Variants in GFRA1 observed in about 807,000 individuals in gnomAD.
GFRA1 encodes the protein GDNF family receptor alpha 1.
Under a neutral mutation model 51.6 loss-of-function variants are expected in GFRA1, and 16 were observed. That is an observed-to-expected ratio of 0.31 (90% CI 0.21 to 0.47). The LOEUF (loss-of-function observed/expected upper bound fraction) is 0.47, where lower values mean the gene tolerates loss of function less well. GFRA1 is among the 20% of genes least tolerant of loss of function. The pLI, the probability that GFRA1 is intolerant of heterozygous loss-of-function variation, is 1.00. For synonymous variants in GFRA1, 270 were observed against 241.3 expected, an observed-to-expected ratio of 1.12 and a Z score of -1.10; for missense variants, 530 against 594.3, an observed-to-expected ratio of 0.89 and a Z score of 1.13.
In GFRA1 at chr10:116,064,191, G is replaced by C; in HGVS notation, c.*207C>G. 1 of 568,754 alleles carries C rather than the reference G, an allele frequency of 1.8e-6. No individual in the cohort carries two copies. Among genetic ancestry groups the C allele is most frequent in the Non-Finnish European group, 3.1e-6 (1 of 320,362 alleles). The allele number at this position is 568,754 out of a possible 1,614,324, so 35.2% of individuals were successfully genotyped here. On this transcript the variant is annotated 3_prime_UTR_variant, in exon 11 of 11. Transcript: ENST00000355422. ...GCATATCCCAAAGCCTTCTGAGTTTGGATGGAGCACTGCATCAGGTTTTTC... is the reference window on the plus strand; with the variant it reads ...GCATATCCCAAAGCCTTCTGAGTTTCGATGGAGCACTGCATCAGGTTTTTC...
chr10:116,195,988 G>A lies in GFRA1; in HGVS notation c.433+15643C>T, dbSNP rs146207745. Among the ~76,000 whole-genome samples the A allele has an allele frequency of 5.8e-3, 887 of 152,064 alleles. 1 individual carries two copies. The highest frequency in any genetic ancestry group is 8.9e-3 in the Non-Finnish European group (604 of 67,996). On this transcript the variant is annotated intron_variant, in intron 5 of 10. Coordinates refer to ENST00000355422, the MANE Select transcript of GFRA1 (RefSeq NM_005264.8). ...CAAATATTTATTGAACACTCATAAG[G>A]TTCAATACACCTGATTCAATAACAC... is the stretch of plus-strand genomic sequence containing the variant.
intron 5 of GFRA1, among the ~76,000 whole-genome samples, chr10:116,203,406 A>G (rs1589869343): frequency 6.6e-6 from 1 of 152,164 alleles, no homozygotes; most frequent in South Asian, 2.1e-4. Context: ...GAGGCTGCAG[A>G]AAGAATCAGA....
At chr10:116,088,478 G>T (rs1188561012) in intron 9 of GFRA1, among the ~76,000 whole-genome samples, 2 of 152,138 alleles carry the variant, frequency 1.3e-5, no homozygotes, top group South Asian at 4.1e-4. Context: ...GGTTCCCAGT[G>T]CTGACTCTGT....
intron 5 of GFRA1, among the ~76,000 whole-genome samples, chr10:116,163,905 G>A (rs748015885): frequency 2.0e-5 from 3 of 152,232 alleles, no homozygotes; most frequent in Non-Finnish European, 4.4e-5. Flanking sequence ...CCACGGAGAT[G>A]TTAGACATGG....
At chr10:116,240,689 G>A (rs369615701) in intron 4 of GFRA1, among the ~76,000 whole-genome samples, 8 of 152,028 alleles carry the variant, frequency 5.3e-5, no homozygotes, top group Non-Finnish European at 8.8e-5. Context: ...CCATTCACCC[G>A]CCCCTCAACT....
chr10:116,141,179 G>T (rs1207742376), intron 5 of GFRA1, among the ~76,000 whole-genome samples: 1 of 152,194 alleles, frequency 6.6e-6, no homozygotes, highest in African/African-American at 2.4e-5. Context: ...TAAATGGCTT[G>T]TGCTGGATAA....
intron 5 of GFRA1, among the ~76,000 whole-genome samples, chr10:116,160,138 C>G (rs931610327): frequency 2.6e-5 from 4 of 152,110 alleles, no homozygotes; most frequent in African/African-American, 9.7e-5. Flanking sequence ...GATATAAAAG[C>G]CTTTTGGTTT....
chr10:116,172,198 AC>A (rs1371995343), intron 5 of GFRA1, among the ~76,000 whole-genome samples: 2 of 152,166 alleles, frequency 1.3e-5, no homozygotes, highest in African/African-American at 4.8e-5. Context: ...TATTAATAAA[AC>A]ATACAATTCC....
chr10:116,124,260 A>C (rs1589807113), intron 6 of GFRA1, among the ~76,000 whole-genome samples: 2 of 133,408 alleles, frequency 1.5e-5, no homozygotes, highest in Non-Finnish European at 3.2e-5. Context: ...ACAGATTTTC[A>C]CTCTTGTCGC....
chr10:116,156,084 C>T (rs1320194374), intron 5 of GFRA1, among the ~76,000 whole-genome samples: 3 of 152,150 alleles, frequency 2.0e-5, no homozygotes, highest in South Asian at 2.1e-4. Flanking sequence ...AAGCAGGCAA[C>T]GCAAAGCTCC....
intron 6 of GFRA1, among the ~76,000 whole-genome samples, chr10:116,111,478 G>T (rs948391898): frequency 1.3e-5 from 2 of 152,162 alleles, no homozygotes; most frequent in African/African-American, 4.8e-5. Context: ...TCCATGTGTT[G>T]TCCCTGCCCG....
intron 5 of GFRA1, among the ~76,000 whole-genome samples, chr10:116,188,078 C>T (rs1962898720): frequency 6.6e-6 from 1 of 152,128 alleles, no homozygotes; most frequent in African/African-American, 2.4e-5. Context: ...ATATATAATA[C>T]ATACTGGGAC....
intron 4 of GFRA1, among the ~76,000 whole-genome samples, chr10:116,227,351 A>C (rs1337520168): frequency 1.3e-5 from 2 of 152,182 alleles, no homozygotes; most frequent in Non-Finnish European, 2.9e-5. Context: ...TTTCAAACTT[A>C]TTCTTTGGAG....
intron 5 of GFRA1, among the ~76,000 whole-genome samples, chr10:116,129,782 T>C (rs975640725): frequency 6.6e-6 from 1 of 152,066 alleles, no homozygotes; most frequent in Non-Finnish European, 1.5e-5. Flanking sequence ...ATACATAGTG[T>C]TTGTACACAT....
At chr10:116,160,914 G>T (rs997393023) in intron 5 of GFRA1, among the ~76,000 whole-genome samples, 6 of 152,144 alleles carry the variant, frequency 3.9e-5, no homozygotes, top group Admixed American at 6.5e-5. Context: ...TGGGTTACAC[G>T]ATCTTAATTT....
At chr10:116,196,570 TATATATAATATATAGTACTATATATAATA>T (rs1565643239) in intron 5 of GFRA1, among the ~76,000 whole-genome samples, 749 of 45,068 alleles carry the variant, frequency 0.017, 40 homozygotes, top group Non-Finnish European at 0.027. Context: ...CTATATATAA[TATATATAATATATAGTACTATATATAATA>T]TATATATAGT....
At chr10:116,148,091 T>TGCATGTGTGCAG in intron 5 of GFRA1, among the ~76,000 whole-genome samples, 1 of 136,468 alleles carries the variant, frequency 7.3e-6, no homozygotes, top group Non-Finnish European at 1.6e-5. Context: ...TGTGTGTGCA[T>TGCATGTGTGCAG]GCGTGTGTGC....
intron 5 of GFRA1, among the ~76,000 whole-genome samples, chr10:116,183,857 T>G (rs565573378): frequency 6.6e-6 from 1 of 152,312 alleles, no homozygotes; most frequent in East Asian, 1.9e-4. Context: ...TCCCTCTCAT[T>G]ATCCCCAGGG....
intron 4 of GFRA1, among the ~76,000 whole-genome samples, chr10:116,266,054 CCTT>C (rs1258927326): frequency 6.6e-6 from 1 of 152,164 alleles, no homozygotes; most frequent in Non-Finnish European, 1.5e-5. Context: ...TTTTTGTTCT[CCTT>C]CTTGTTCCCA....
Sources: allele counts gnomAD v4.1 joint callset (sites outside exome capture counted in the v4.1 genomes callset), GRCh38; gene constraint gnomAD v4.1.1; transcripts MANE v1.5; gene names NCBI Gene and HGNC (gene_info 2026-07-23, HGNC 2026-07-21).